Variants in FAM168A observed in about 807,000 individuals in gnomAD.
The protein encoded by FAM168A is family with sequence similarity 168 member A, also known as protein FAM168A.
In FAM168A, 3 loss-of-function variants were observed where a neutral mutation model predicts 28.5. That is an observed-to-expected ratio of 0.11 (90% CI 0.05 to 0.27). The LOEUF is 0.27. Ranked by LOEUF, FAM168A falls within the 10% of genes least tolerant of loss-of-function variation. The pLI, the probability that FAM168A is intolerant of heterozygous loss-of-function variation, is 1.00. For synonymous variants in FAM168A, 122 were observed against 124.2 expected (o/e 0.98, Z 0.12); for missense variants, 222 against 311.5 (o/e 0.71, Z 2.16).
chr11:73,575,505 G>A (rs1944161541), intron 1 of FAM168A, among the ~76,000 whole-genome samples: 1 of 152,138 alleles, frequency 6.6e-6, no homozygotes, highest in Non-Finnish European at 1.5e-5. Context: ...CCTTAATTTA[G>A]TTACTAAACG....
intron 1 of FAM168A, among the ~76,000 whole-genome samples, chr11:73,547,320 G>A (rs1452037455): frequency 6.6e-6 from 1 of 151,576 alleles, no homozygotes; most frequent in Non-Finnish European, 1.5e-5. Context: ...TATGATGGCA[G>A]GTATTAAAAA....
chr11:73,496,610 G>A lies in FAM168A; in HGVS notation c.-18-28118C>T, dbSNP rs566623846. 4.5e-3 allele frequency among the ~76,000 whole-genome samples: 691 copies of A among 152,306 alleles called. 3 individuals carry two copies. Among genetic ancestry groups the A allele is most frequent in the African/African-American group, 0.016 (665 of 41,562 alleles). ...GAGTCTCACTCTGTCGCCCAGGCTG[G>A]AGTGCAGTGGCGCGATCTCGGCTTG... On this transcript the variant is annotated intron_variant, in intron 1 of 7. Transcript: ENST00000356467.
intron 3 of FAM168A, among the ~76,000 whole-genome samples, chr11:73,421,837 A>G (rs1240771496): frequency 6.6e-6 from 1 of 152,220 alleles, no homozygotes; most frequent in African/African-American, 2.4e-5. Context: ...GGAGGCCTGA[A>G]TTTGGCTGTA....
rs537907521 is a variant in FAM168A at position 73,563,285 on chromosome 11, C to T, written c.-19+34638G>A. On this transcript the variant is annotated intron_variant, in intron 1 of 7. Transcript: ENST00000356467. Reference sequence around the variant, plus strand: ...ACTCAACCAACAATTTCAGCTCTCCCGTTTGTTAGCTAAGCAACTATCCTC... The same window carrying T: ...ACTCAACCAACAATTTCAGCTCTCCTGTTTGTTAGCTAAGCAACTATCCTC... 4.6e-5 allele frequency among the ~76,000 whole-genome samples: 7 copies of T among 152,286 alleles called. No individual in the cohort carries two copies. In the East Asian group the frequency reaches 5.8e-4, roughly 13 times the overall value.
chr11:73,541,638 G>A (rs531895033), intron 1 of FAM168A, among the ~76,000 whole-genome samples: 54 of 152,150 alleles, frequency 3.5e-4, no homozygotes, highest in African/African-American at 1.2e-3. Context: ...CCAAAGTGCT[G>A]GGATTACAGG....
intron 2 of FAM168A, among the ~76,000 whole-genome samples, chr11:73,447,123 T>C (rs1170949358): frequency 6.6e-6 from 1 of 152,200 alleles, no homozygotes; most frequent in Non-Finnish European, 1.5e-5. Flanking sequence ...AGTCCTTCTC[T>C]TGTTCACTTC....
At chr11:73,451,860 A>T (rs375111968) in intron 2 of FAM168A, among the ~76,000 whole-genome samples, 9 of 152,382 alleles carry the variant, frequency 5.9e-5, no homozygotes, top group African/African-American at 1.9e-4. Flanking sequence ...GTGTAAGTTA[A>T]CTATGTAGCT....
chr11:73,544,825 T>TTATATATGTA (rs1388534275), intron 1 of FAM168A, among the ~76,000 whole-genome samples: 17 of 92,430 alleles, frequency 1.8e-4, no homozygotes, highest in African/African-American at 1.1e-3. Flanking sequence ...ATAATAAATT[T>TTATATATGTA]ATTATATATA....
rs1265926810 is a variant in FAM168A, at chr11:73,587,636, C to A, written c.-19+10287G>T. 2.0e-5 allele frequency among the ~76,000 whole-genome samples: 3 copies of A among 152,054 alleles called. No homozygotes were observed. The East Asian group carries it at 5.8e-4, about 29-fold the overall frequency. Reference sequence around the variant, plus strand: ...GCCAGGAGTTCAAGACCAGTCTGGGCAACACAGCAAAACTCCATCTCAAAA... The same window carrying A: ...GCCAGGAGTTCAAGACCAGTCTGGGAAACACAGCAAAACTCCATCTCAAAA... On this transcript the variant is annotated intron_variant, in intron 1 of 7. Transcript: ENST00000356467.
intron 1 of FAM168A, among the ~76,000 whole-genome samples, chr11:73,525,655 G>A (rs919222780): frequency 6.6e-6 from 1 of 152,142 alleles, no homozygotes; most frequent in African/African-American, 2.4e-5. Context: ...CTAGGCTAGG[G>A]TCTGTACCAC....
chr11:73,573,699 G>A (rs1202907516), intron 1 of FAM168A, among the ~76,000 whole-genome samples: 1 of 152,190 alleles, frequency 6.6e-6, no homozygotes, highest in Non-Finnish European at 1.5e-5. Context: ...AGCACTTTGG[G>A]AGGCCAAGAC....
intron 2 of FAM168A, among the ~76,000 whole-genome samples, chr11:73,439,283 G>A (rs1423379341): frequency 6.6e-6 from 1 of 152,150 alleles, no homozygotes; most frequent in Non-Finnish European, 1.5e-5. Flanking sequence ...CTAGGGCAAG[G>A]CAGCTCCTCC....
intron 1 of FAM168A, among the ~76,000 whole-genome samples, chr11:73,573,376 T>G (rs1265340895): frequency 6.6e-6 from 1 of 152,176 alleles, no homozygotes; most frequent in Admixed American, 6.5e-5. Context: ...TCAAGGAGCC[T>G]CCCACTTCCT....
At chr11:73,487,732 T>C (rs1008212306) in intron 1 of FAM168A, among the ~76,000 whole-genome samples, 3 of 152,166 alleles carry the variant, frequency 2.0e-5, no homozygotes, top group Non-Finnish European at 4.4e-5. Flanking sequence ...CTTTTTTCTC[T>C]AATCTTAATT....
At chr11:73,572,124 G>A (rs560811766) in intron 1 of FAM168A, among the ~76,000 whole-genome samples, 18 of 150,842 alleles carry the variant, frequency 1.2e-4, no homozygotes, top group African/African-American at 3.4e-4. Context: ...AGTGAGGAGC[G>A]TTTCCGCCCG....
intron 1 of FAM168A, among the ~76,000 whole-genome samples, chr11:73,538,372 T>C (rs1483520451): frequency 6.7e-6 from 1 of 148,884 alleles, no homozygotes; most frequent in Non-Finnish European, 1.5e-5. Context: ...GAGAGTGAAG[T>C]AGCAACATCA....
intron 1 of FAM168A, among the ~76,000 whole-genome samples, chr11:73,497,327 T>A (rs1173865977): frequency 6.6e-6 from 1 of 151,820 alleles, no homozygotes; most frequent in Non-Finnish European, 1.5e-5. Flanking sequence ...TAGCCAGGTG[T>A]GGTGGCGCGC....
At chr11:73,457,765 G>GA (rs1357929260) in intron 2 of FAM168A, among the ~76,000 whole-genome samples, 3 of 76,158 alleles carry the variant, frequency 3.9e-5, no homozygotes, top group Admixed American at 1.2e-4. Context: ...AGAAAAGAAA[G>GA]AAAAGAAAAA....
At chr11:73,407,017 A>G (rs12274787) in intron 7 of FAM168A, among the ~76,000 whole-genome samples, 4,815 of 152,292 alleles carry the variant, frequency 0.032, 259 homozygotes, top group African/African-American at 0.11. Context: ...GGTCTGGGTC[A>G]GCCCAAAGCC....
Sources: allele counts gnomAD v4.1 joint callset (sites outside exome capture counted in the v4.1 genomes callset), GRCh38; gene constraint gnomAD v4.1.1; transcripts MANE v1.5; gene names NCBI Gene and HGNC (gene_info 2026-07-23, HGNC 2026-07-21).